Variants in BNC2 observed in about 807,000 individuals in gnomAD.
BNC2 encodes basonuclin zinc finger protein 2, also known as zinc finger protein basonuclin-2.
In BNC2, 20 loss-of-function variants were observed where a neutral mutation model predicts 76.3. The observed-to-expected ratio is 0.26, with a 90% CI of 0.18 to 0.38. The LOEUF (loss-of-function observed/expected upper bound fraction) is 0.38. Among genes scored for constraint, BNC2 ranks in the 10% least tolerant of loss-of-function variants. The pLI, the probability that BNC2 is intolerant of heterozygous loss-of-function variation, is 1.00. For missense variants in BNC2, 1,382 were observed against 1,399.8 expected, an observed-to-expected ratio of 0.99 and a Z score of 0.20; for synonymous variants, 582 against 514.8, an observed-to-expected ratio of 1.13 and a Z score of -1.77.
chr9:16,515,694 G>A (rs1398707640), intron 5 of BNC2, among the ~76,000 whole-genome samples: 7 of 145,106 alleles, frequency 4.8e-5, no homozygotes, highest in Non-Finnish European at 7.4e-5. Flanking sequence ...TGAGTTCACT[G>A]CCCAGAGAAA....
chr9:16,708,017 A>C (rs1823728531), intron 3 of BNC2, among the ~76,000 whole-genome samples: 1 of 152,222 alleles, frequency 6.6e-6, no homozygotes, highest in Non-Finnish European at 1.5e-5. Flanking sequence ...AGAGCATGCT[A>C]CAAATACCAC....
At chr9:16,506,516 T>C (rs1394835163) in intron 5 of BNC2, among the ~76,000 whole-genome samples, 1 of 70,714 alleles carries the variant, frequency 1.4e-5, no homozygotes, top group Non-Finnish European at 2.8e-5. Flanking sequence ...CTCTCCTCTT[T>C]TTTTTTTTTT....
intron 1 of BNC2, among the ~76,000 whole-genome samples, chr9:16,785,923 T>C (rs1826281122): frequency 6.6e-6 from 1 of 152,142 alleles, no homozygotes; most frequent in Non-Finnish European, 1.5e-5. Flanking sequence ...AATCCACCTC[T>C]GGGCCTGTGC....
intron 5 of BNC2, among the ~76,000 whole-genome samples, chr9:16,547,044 C>T (rs1818507167): frequency 6.6e-6 from 1 of 152,192 alleles, no homozygotes; most frequent in South Asian, 2.1e-4. Context: ...TGCCAATTAA[C>T]ACTTCTGTGA....
At chr9:16,561,727 C>G (rs538097199) in intron 4 of BNC2, among the ~76,000 whole-genome samples, 16 of 152,290 alleles carry the variant, frequency 1.1e-4, no homozygotes, top group East Asian at 7.7e-4. Context: ...AATAGGCCAG[C>G]TGTGGTGGCT....
chr9:16,787,808 C>T (rs1826338835), intron 1 of BNC2, among the ~76,000 whole-genome samples: 1 of 152,152 alleles, frequency 6.6e-6, no homozygotes. Context: ...GGTTCAGCGT[C>T]CCAAAGTGCT....
chr9:16,582,569 G>A (rs1819654823), intron 4 of BNC2, among the ~76,000 whole-genome samples: 2 of 152,170 alleles, frequency 1.3e-5, no homozygotes, highest in South Asian at 4.1e-4. Flanking sequence ...TCAGCCCCGA[G>A]CACATACGAC....
intron 1 of BNC2, among the ~76,000 whole-genome samples, chr9:16,795,863 G>A (rs970287540): frequency 7.9e-5 from 12 of 152,186 alleles, no homozygotes; most frequent in Non-Finnish European, 1.6e-4. Flanking sequence ...GAATGCCAGG[G>A]AAAGAGGATG....
intron 5 of BNC2, among the ~76,000 whole-genome samples, chr9:16,542,135 C>T (rs983679539): frequency 6.6e-6 from 1 of 152,100 alleles, no homozygotes; most frequent in Admixed American, 6.6e-5. Flanking sequence ...TACATGAGAA[C>T]AAGGAAATCA....
intron 3 of BNC2, among the ~76,000 whole-genome samples, chr9:16,648,981 CA>C (rs769323288): frequency 1.7e-4 from 26 of 152,282 alleles, no homozygotes; most frequent in Admixed American, 4.6e-4. Flanking sequence ...GCTAAAATAG[CA>C]TAACGACTTA....
chr9:16,572,539 C>A (rs746452569), intron 4 of BNC2, among the ~76,000 whole-genome samples: 2 of 152,128 alleles, frequency 1.3e-5, no homozygotes, highest in African/African-American at 2.4e-5. Context: ...AGGTGAAGTG[C>A]CCTTCCTGAG....
intron 3 of BNC2, among the ~76,000 whole-genome samples, chr9:16,712,725 T>C (rs995697631): frequency 6.6e-6 from 1 of 152,232 alleles, no homozygotes; most frequent in Admixed American, 6.5e-5. Flanking sequence ...ATGGGCATTT[T>C]ATCAGGTGTT....
At chr9:16,758,657 T>G (rs150046925) in intron 1 of BNC2, among the ~76,000 whole-genome samples, 1 of 152,172 alleles carries the variant, frequency 6.6e-6, no homozygotes, top group Non-Finnish European at 1.5e-5. Flanking sequence ...GTAAGATATA[T>G]ATTCACAAGT....
At chr9:16,516,986 C>T (rs971348635) in intron 5 of BNC2, among the ~76,000 whole-genome samples, 9 of 152,176 alleles carry the variant, frequency 5.9e-5, no homozygotes, top group African/African-American at 9.7e-5. Flanking sequence ...ACTCTGTAAA[C>T]GGCATCCAGG....
At chr9:16,854,537 C>G (rs1586938145) in intron 1 of BNC2, among the ~76,000 whole-genome samples, 2 of 152,102 alleles carry the variant, frequency 1.3e-5, no homozygotes, top group East Asian at 3.8e-4. Flanking sequence ...TAACTAGTTT[C>G]TAAGTCTTTT....
intron 5 of BNC2, among the ~76,000 whole-genome samples, chr9:16,449,751 A>G (rs1237448393): frequency 6.7e-6 from 1 of 149,134 alleles, no homozygotes; most frequent in East Asian, 2.0e-4. Flanking sequence ...TTCAGAGCTG[A>G]TAGCTTGGAA....
At chr9:16,553,728 G>C (rs1818736131) in intron 4 of BNC2, among the ~76,000 whole-genome samples, 1 of 152,084 alleles carries the variant, frequency 6.6e-6, no homozygotes, top group Admixed American at 6.6e-5. Context: ...CTCTTCTCTA[G>C]AACTAAAGGC....
intron 3 of BNC2, among the ~76,000 whole-genome samples, chr9:16,670,013 T>C (rs1213411434): frequency 2.0e-5 from 3 of 152,212 alleles, no homozygotes; most frequent in Non-Finnish European, 2.9e-5. Context: ...TTCAACTGCT[T>C]TTGTTAGAAG....
At chr9:16,572,033 T>C (rs934900148) in intron 4 of BNC2, among the ~76,000 whole-genome samples, 8 of 152,176 alleles carry the variant, frequency 5.3e-5, no homozygotes, top group Non-Finnish European at 8.8e-5. Context: ...ATTTGTTTTT[T>C]AATTTTTACT....
Sources: gnomAD v4.1 joint callset for allele counts (sites outside exome capture counted in the v4.1 genomes callset) on GRCh38, gnomAD v4.1.1 for gene constraint, MANE v1.5 for transcripts, NCBI Gene and HGNC (gene_info 2026-07-23, HGNC 2026-07-21) for gene names.